Variants in IL16 observed in about 807,000 individuals in gnomAD.
IL16 encodes the protein interleukin 16.
Under a neutral mutation model 110.1 loss-of-function variants are expected in IL16, and 67 were observed. The observed-to-expected ratio is 0.61, with a 90% CI of 0.50 to 0.75. The LOEUF is 0.75. IL16 is among the 30% of genes least tolerant of loss of function. The pLI is 0.00. For synonymous variants in IL16, 689 were observed against 662.9 expected (o/e 1.04, Z -0.61); for missense variants, 1,545 against 1,655.0 (o/e 0.93, Z 1.15).
chr15:81,244,844 C>A (rs956325134), intron 2 of IL16, among the ~76,000 whole-genome samples: 2 of 152,094 alleles, frequency 1.3e-5, no homozygotes, highest in Admixed American at 1.3e-4. Context: ...ATCCCTGAGG[C>A]TTGGTTCATT....
chr15:81,216,303 G>A (rs1896428558), intron 1 of IL16, among the ~76,000 whole-genome samples: 1 of 152,218 alleles, frequency 6.6e-6, no homozygotes, highest in African/African-American at 2.4e-5. Flanking sequence ...CCTGTAGCTA[G>A]AATCCCAGAG....
intron 1 of IL16, among the ~76,000 whole-genome samples, chr15:81,183,965 A>G (rs1279241378): frequency 6.6e-6 from 1 of 152,240 alleles, no homozygotes; most frequent in Non-Finnish European, 1.5e-5. Context: ...AGGATATGTC[A>G]GCTCTCCTAA....
At chr15:81,233,344 C>G (rs531632793) in intron 2 of IL16, among the ~76,000 whole-genome samples, 40 of 152,094 alleles carry the variant, frequency 2.6e-4, no homozygotes, top group Non-Finnish European at 5.2e-4. Context: ...CACATTTTCT[C>G]AGCTTTACTT....
At position 81,282,828 on chromosome 15, in the gene IL16, G is replaced by A. The variant is rs192053835; in HGVS notation, c.1199+72G>A. On this transcript the variant is annotated intron_variant, in intron 9 of 18. Coordinates refer to ENST00000683961, the MANE Select transcript of IL16 (RefSeq NM_172217.5). ...GGAAAGAAATACCTTAGAATGTCGG[G>A]AGATTGATTTGGACATGAGCTATAA... 6.5e-4 allele frequency: 749 copies of A among 1,152,834 alleles called. 5 individuals carry two copies. In the African/African-American group the frequency reaches 9.3e-3, roughly 14 times the overall value. The allele number at this position is 1,152,834 out of a possible 1,614,324, so 71.4% of individuals were successfully genotyped here.
At chr15:81,285,971 T>A in intron 10 of IL16, 141 bp downstream of exon 10, 1 of 896,602 alleles carries the variant, frequency 1.1e-6, no homozygotes, top group Non-Finnish European at 1.7e-6. Context: ...GTTTCTGTAG[T>A]AAGAATTGTC....
At chr15:81,242,585 A>G (rs1192038837) in intron 2 of IL16, among the ~76,000 whole-genome samples, 3 of 152,232 alleles carry the variant, frequency 2.0e-5, no homozygotes, top group East Asian at 3.8e-4. Flanking sequence ...AGCTAATTTT[A>G]TACCTATGAA....
intron 2 of IL16, among the ~76,000 whole-genome samples, chr15:81,256,415 C>A (rs933089513): frequency 6.7e-6 from 1 of 149,136 alleles, no homozygotes; most frequent in Non-Finnish European, 1.5e-5. Flanking sequence ...TTCACTGCAA[C>A]CTCTGCCTCC....
At chr15:81,203,603 G>C (rs978757164) in intron 1 of IL16, among the ~76,000 whole-genome samples, 47 of 151,602 alleles carry the variant, frequency 3.1e-4, no homozygotes, top group African/African-American at 1.0e-3. Context: ...GCTTGTTTTT[G>C]TCAGGTTTGT....
At chr15:81,258,428 C>T (rs551390454) in intron 2 of IL16, among the ~76,000 whole-genome samples, 16 of 152,238 alleles carry the variant, frequency 1.1e-4, no homozygotes, top group South Asian at 4.1e-4. Flanking sequence ...TGTCTAGTCA[C>T]GATGACTCAC....
intron 18 of IL16, 22 bp downstream of exon 18, chr15:81,306,567 T>G: frequency 6.2e-7 from 1 of 1,609,212 alleles, no homozygotes; most frequent in South Asian, 1.1e-5. Flanking sequence ...GTCTGGTTCT[T>G]TGCGTGCTCT....
At position 81,290,436 on chromosome 15, in the gene IL16, T is replaced by C. The variant is rs1315431873; in HGVS notation, c.1333-17T>C. 1.3e-6 allele frequency: 2 copies of C among 1,595,562 alleles called. No homozygotes were observed. Among genetic ancestry groups the C allele is most frequent in the East Asian group, 2.3e-5 (1 of 44,212 alleles). ...AGCTTCTACTGTTTGTTTGAGGAGATGACTGATATTTTCTAGGTCTCTGAA... is the reference window on the plus strand; with the variant it reads ...AGCTTCTACTGTTTGTTTGAGGAGACGACTGATATTTTCTAGGTCTCTGAA... On this transcript the variant is annotated splice_polypyrimidine_tract_variant and intron_variant, in intron 10 of 18. Transcript: ENST00000683961.
chr15:81,279,981 A>G (rs764187233), intron 8 of IL16, among the ~76,000 whole-genome samples: 10 of 152,248 alleles, frequency 6.6e-5, no homozygotes, highest in Non-Finnish European at 1.3e-4. Context: ...GTTCTGGGTC[A>G]GTGGTTTAAA....
At chr15:81,245,816 T>G (rs1367691504) in intron 2 of IL16, among the ~76,000 whole-genome samples, 1 of 138,436 alleles carries the variant, frequency 7.2e-6, no homozygotes, top group Non-Finnish European at 1.5e-5. Context: ...AAAGAATTCC[T>G]AGAGAAGTCA....
At chr15:81,182,794 A>G (rs746770707) in exon 1 of IL16, 60 of 1,077,790 alleles carry the variant, frequency 5.6e-5, no homozygotes, top group Non-Finnish European at 7.2e-5. Context: ...CCTCCCATGG[A>G]CCCCTGATCC....
At chr15:81,283,957 C>T (rs755684581) in intron 9 of IL16, among the ~76,000 whole-genome samples, 38 of 146,350 alleles carry the variant, frequency 2.6e-4, no homozygotes, top group African/African-American at 4.8e-4. Flanking sequence ...AAGCCAAGAT[C>T]GCACCATTGC....
Position 81,294,656 on chromosome 15 carries a change from T to C in IL16, c.1902+1619T>C, listed in dbSNP as rs554411484. Among the ~76,000 whole-genome samples, 8 of 152,298 alleles carry C rather than the reference T, an allele frequency of 5.3e-5. No individual in the cohort carries two copies. The South Asian group carries it at 1.7e-3, about 32-fold the overall frequency. On this transcript the variant is annotated intron_variant, in intron 12 of 18. Coordinates refer to ENST00000683961, the MANE Select transcript of IL16 (RefSeq NM_172217.5). ...CCTGGAGACAAGGCCGTTCTGCAGCTGCCCTCCTCTGTTTGCTCTGGTCTG... is the reference window on the plus strand; with the variant it reads ...CCTGGAGACAAGGCCGTTCTGCAGCCGCCCTCCTCTGTTTGCTCTGGTCTG...
At chr15:81,188,190 C>G (rs1895444304) in intron 1 of IL16, among the ~76,000 whole-genome samples, 1 of 152,138 alleles carries the variant, frequency 6.6e-6, no homozygotes, top group Admixed American at 6.5e-5. Context: ...CTTTCGCTAG[C>G]AAGATGAATA....
chr15:81,228,104 C>T (rs1041676379), intron 2 of IL16, among the ~76,000 whole-genome samples: 1 of 152,062 alleles, frequency 6.6e-6, no homozygotes, highest in Non-Finnish European at 1.5e-5. Flanking sequence ...CATGCGTCTG[C>T]AAAGACAGGC....
chr15:81,226,088 G>A (rs1419126434), intron 2 of IL16, among the ~76,000 whole-genome samples: 1 of 152,216 alleles, frequency 6.6e-6, no homozygotes, highest in Non-Finnish European at 1.5e-5. Context: ...TATAGAAACA[G>A]ACTTATAGGG....
Sources: allele counts gnomAD v4.1 joint callset (sites outside exome capture counted in the v4.1 genomes callset), GRCh38; gene constraint gnomAD v4.1.1; transcripts MANE v1.5; gene names NCBI Gene and HGNC (gene_info 2026-07-23, HGNC 2026-07-21).